Variants in SNRNP70 observed in about 807,000 individuals in gnomAD.
SNRNP70 encodes the protein small nuclear ribonucleoprotein U1 subunit 70, also known as U1 small nuclear ribonucleoprotein 70 kDa.
SNRNP70 carries 8 observed loss-of-function variants against 50.5 expected under a neutral mutation model. The observed-to-expected ratio is 0.16, with a 90% CI of 0.09 to 0.29. The LOEUF (loss-of-function observed/expected upper bound fraction) is 0.29. SNRNP70 is among the 10% of genes least tolerant of loss of function. The pLI, the probability that SNRNP70 is intolerant of heterozygous loss-of-function variation, is 1.00. For synonymous variants in SNRNP70, 320 were observed against 252.9 expected, an observed-to-expected ratio of 1.27 and a Z score of -2.52; for missense variants, 529 against 663.5, an observed-to-expected ratio of 0.80 and a Z score of 2.23.
intron 6 of SNRNP70, among the ~76,000 whole-genome samples, chr19:49,100,482 G>A (rs539936329): frequency 2.8e-4 from 42 of 152,262 alleles, no homozygotes; most frequent in African/African-American, 9.4e-4. Flanking sequence ...CTCCCTGGCT[G>A]TGCACGTGTC....
chr19:49,105,729 CA>C (rs533671522), intron 8 of SNRNP70, among the ~76,000 whole-genome samples: 29 of 135,488 alleles, frequency 2.1e-4, no homozygotes, highest in African/African-American at 2.4e-4. Context: ...GACTCTGTCT[CA>C]AAAAAAAAAA....
In SNRNP70 at chr19:49,108,188, G is replaced by A. The variant is rs999294271; in HGVS notation, c.1059G>A (p.Glu353=). 5 of 1,535,894 alleles carry A rather than the reference G, an allele frequency of 3.3e-6. No individual in the cohort carries two copies. Among genetic ancestry groups the A allele is most frequent in the Non-Finnish European group, 4.4e-6 (5 of 1,140,316 alleles). ...PEEKGRDRDR[E]RRRSHRSERE... ...AAAAGGGCCGGGATCGTGACCGGGAGCGACGGCGGAGCCACCGGAGCGAGC... is the reference window on the plus strand; with the variant it reads ...AAAAGGGCCGGGATCGTGACCGGGAACGACGGCGGAGCCACCGGAGCGAGC... The change falls in exon 10 of 10, where the codon GAG becomes GAA. Residue 353 remains glutamate, a synonymous_variant. Transcript: ENST00000598441.
intron 8 of SNRNP70, among the ~76,000 whole-genome samples, chr19:49,106,510 G>C (rs1264940176): frequency 6.6e-6 from 1 of 152,180 alleles, no homozygotes; most frequent in African/African-American, 2.4e-5. Context: ...TAGTCTAGCT[G>C]CCCTGTGCCT....
At chr19:49,091,363 A>C (rs1027508012) in intron 4 of SNRNP70, among the ~76,000 whole-genome samples, 5 of 151,698 alleles carry the variant, frequency 3.3e-5, no homozygotes, top group Non-Finnish European at 5.9e-5. Context: ...AACAAGCAAA[A>C]ATCTGTCTTA....
rs1348507287 is a variant in SNRNP70, at chr19:49,108,072, G to A, written c.943G>A (p.Asp315Asn). 3 of 1,553,680 alleles carry A rather than the reference G, an allele frequency of 1.9e-6. No individual in the cohort carries two copies. The highest frequency in any genetic ancestry group is 1.2e-5 in the South Asian group (1 of 84,210). Residue 315 changes from aspartate to asparagine, a missense_variant, in exon 10 of 10, where the codon GAC becomes AAC. Physicochemically the swap from Asp to Asn is conservative, Grantham distance 23. Coordinates refer to ENST00000598441, the MANE Select transcript of SNRNP70 (RefSeq NM_003089.6). The part of the protein sequence containing the change: ...RKEELRGGGG[D>N]MAEPSEAGDA... ...GGAGGAGCTGCGTGGCGGCGGTGGC[G>A]ACATGGCGGAGCCCTCCGAGGCGGG... is the stretch of plus-strand genomic sequence containing the variant.
chr19:49,107,985 C>T lies in SNRNP70; in HGVS notation c.856C>T (p.Arg286Trp), dbSNP rs1185001534. ...RSRERSKDKD[R>W]DRKRRSSRSR... ...CAGGGAGCGGAGCAAGGACAAGGACCGGGACCGGAAGCGGCGAAGCAGCCG... is the reference window on the plus strand; with the variant it reads ...CAGGGAGCGGAGCAAGGACAAGGACTGGGACCGGAAGCGGCGAAGCAGCCG... Residue 286 changes from arginine (R) to tryptophan (W), a missense_variant, in exon 10 of 10, where the codon CGG becomes TGG. Around this residue, in one of 4 missense-constraint regions of SNRNP70, gnomAD observed 327 missense variants for 308.8 expected, o/e 1.06. Coordinates refer to ENST00000598441, the MANE Select transcript of SNRNP70 (RefSeq NM_003089.6). The surrounding 1 kb of genome is among the most constrained non-coding windows in gnomAD (Gnocchi z 6.0). 5 of 1,547,878 alleles carry T rather than the reference C, an allele frequency of 3.2e-6. No homozygotes were observed. Among genetic ancestry groups the T allele is most frequent in the East Asian group, 2.4e-5 (1 of 40,920 alleles).
At chr19:49,087,017 C>A (rs1447148619) in intron 2 of SNRNP70, among the ~76,000 whole-genome samples, 3 of 151,814 alleles carry the variant, frequency 2.0e-5, no homozygotes, top group African/African-American at 4.8e-5. Flanking sequence ...GAAACCACGT[C>A]TCTGCTAAAA....
chr19:49,094,801 C>T (rs1015694134), intron 4 of SNRNP70, among the ~76,000 whole-genome samples: 5 of 152,158 alleles, frequency 3.3e-5, no homozygotes, highest in African/African-American at 4.8e-5. Flanking sequence ...CTCACAGCTT[C>T]CAAGTGCAGC....
intron 4 of SNRNP70, 103 bp from the exon 5 acceptor site, chr19:49,098,324 C>G: frequency 3.2e-6 from 3 of 952,330 alleles, no homozygotes; most frequent in Non-Finnish European, 4.9e-6. Flanking sequence ...AGGGGCCTCT[C>G]CCAATGCCAC....
At chr19:49,089,728 T>G (rs1420213586) in intron 2 of SNRNP70, among the ~76,000 whole-genome samples, 1 of 139,892 alleles carries the variant, frequency 7.1e-6, no homozygotes, top group Non-Finnish European at 1.5e-5. Flanking sequence ...AGTGGTGCGA[T>G]CTCGGCTCAC....
chr19:49,104,680 C>T lies in SNRNP70; in HGVS notation c.522C>T (p.Val174=), dbSNP rs371544874. The T allele has an allele frequency of 1.7e-5, 27 of 1,561,450 alleles. No individual in the cohort carries two copies. The African/African-American group carries it at 3.3e-4, about 19-fold the overall frequency. ...GCAAGAAGATTGATGGCAGGAGGGT[C>T]CTTGTGGACGTGGAGAGGGGCCGAA... ...ADGKKIDGRR[V]LVDVERGRTV... The change falls in exon 8 of 10, where the codon GTC becomes GTT. Residue 174 remains valine, a synonymous_variant. Transcript: ENST00000598441. This position sits in a 1 kb window ranked among gnomAD's most constrained non-coding sequence, Gnocchi z 5.4.
At chr19:49,093,535 C>T (rs1474930903) in intron 4 of SNRNP70, among the ~76,000 whole-genome samples, 3 of 146,492 alleles carry the variant, frequency 2.0e-5, no homozygotes, top group Non-Finnish European at 4.5e-5. Flanking sequence ...AAAAATTAGC[C>T]CGGCGTGGTG....
At chr19:49,105,878 A>G (rs952434302) in intron 8 of SNRNP70, among the ~76,000 whole-genome samples, 1 of 152,242 alleles carries the variant, frequency 6.6e-6, no homozygotes, top group African/African-American at 2.4e-5. Context: ...CACAGGCCCC[A>G]GCTTTACACT....
In SNRNP70 at chr19:49,090,478, A is replaced by G. The variant is rs1468368014; in HGVS notation, c.223A>G (p.Ile75Val). The change falls in exon 4 of 10, where the codon ATT becomes GTT. Residue 75 changes from isoleucine to valine, a missense_variant. By Grantham distance (29) the Ile-to-Val change is conservative (BLOSUM62 3). Coordinates refer to ENST00000598441, the MANE Select transcript of SNRNP70 (RefSeq NM_003089.6). ...ERMERKRREK[I>V]ERRQQEVETE... ...TTTCTCCTGACAGAGACGGGAAAAG[A>G]TTGAGCGGCGACAGCAAGAAGTGGA... The G allele has an allele frequency of 6.2e-7, 1 of 1,614,024 alleles. No individual in the cohort carries two copies. Among genetic ancestry groups the G allele is most frequent in the Non-Finnish European group, 8.5e-7 (1 of 1,180,032 alleles).
Position 49,098,484 on chromosome 19 carries a change from C to T in SNRNP70, c.323C>T (p.Ala108Val), listed in dbSNP as rs1600282587. Residue 108 changes from alanine to valine, a missense_variant, in exon 5 of 10, where the codon GCG (alanine) becomes GTG (valine). Ala to Val is a moderately conservative substitution (Grantham distance 64). This residue lies in a region of SNRNP70 where 149 missense variants were observed against 259.7 expected (regional missense o/e 0.57). Coordinates refer to ENST00000598441, the MANE Select transcript of SNRNP70 (RefSeq NM_003089.6). ...GATGCCTTCAAGACTCTCTTCGTGG[C>T]GAGAGTGGTAAGTCCCCAGCTCCTA... ...QGDAFKTLFV[A>V]RVNYDTTESK... is the part of the protein sequence containing the mutation. The T allele has an allele frequency of 3.7e-6, 6 of 1,613,210 alleles. No homozygotes were observed. The highest frequency in any genetic ancestry group is 4.2e-6 in the Non-Finnish European group (5 of 1,179,412).
At chr19:49,096,070 G>GTT in intron 4 of SNRNP70, among the ~76,000 whole-genome samples, 1 of 148,548 alleles carries the variant, frequency 6.7e-6, no homozygotes, top group Admixed American at 6.7e-5. Context: ...AACGTTTTTT[G>GTT]TTTTTTGTTT....
At chr19:49,101,285 C>T (rs2040582014) in intron 6 of SNRNP70, 105 bp from the exon 7 acceptor site, 4 of 791,386 alleles carry the variant, frequency 5.1e-6, no homozygotes, top group Middle Eastern at 2.3e-4. Context: ...CAGAGAGGGT[C>T]TGAGGCCTCA....
intron 6 of SNRNP70, among the ~76,000 whole-genome samples, chr19:49,099,917 T>G (rs1359041623): frequency 1.4e-5 from 2 of 146,684 alleles, no homozygotes; most frequent in Non-Finnish European, 3.0e-5. Flanking sequence ...GTCTCGTGCC[T>G]GTGTGTGTGT....
At chr19:49,087,253 G>T (rs1396427122) in intron 2 of SNRNP70, among the ~76,000 whole-genome samples, 3 of 151,426 alleles carry the variant, frequency 2.0e-5, no homozygotes, top group African/African-American at 7.3e-5. Context: ...AGTGAGTAGT[G>T]GTTGAGGATT....
Sources: allele counts gnomAD v4.1 joint callset (sites outside exome capture counted in the v4.1 genomes callset), GRCh38; gene constraint gnomAD v4.1.1; regional missense constraint gnomAD v4.1.1; non-coding constraint Gnocchi (gnomAD v3.1); transcripts MANE v1.5; gene names NCBI Gene and HGNC (gene_info 2026-07-23, HGNC 2026-07-21).